The following CNGB1 variants were observed in gnomAD, a reference collection of about 807,000 sequenced individuals.
The protein encoded by CNGB1 is cyclic nucleotide-gated channel beta-1.
A neutral mutation model predicts 151.7 loss-of-function variants in CNGB1; 126 were observed. The observed-to-expected ratio is 0.83, with a 90% CI of 0.72 to 0.96. CNGB1 has a LOEUF of 0.96. Among genes scored for constraint, CNGB1 ranks in the 40% least tolerant of loss-of-function variants. The pLI is 0.00. For synonymous variants in CNGB1, 623 were observed against 635.1 expected, an observed-to-expected ratio of 0.98 and a Z score of 0.29; for missense variants, 1,698 against 1,627.0, an observed-to-expected ratio of 1.04 and a Z score of -0.75.
intron 12 of CNGB1, among the ~76,000 whole-genome samples, chr16:57,956,930 G>A (rs1962101409): frequency 6.6e-6 from 1 of 152,174 alleles, no homozygotes; most frequent in Non-Finnish European, 1.5e-5. Flanking sequence ...GGGAGCTGGA[G>A]GCTGTGGAGC....
intron 12 of CNGB1, among the ~76,000 whole-genome samples, chr16:57,953,792 C>T (rs1280894371): frequency 6.6e-6 from 1 of 152,000 alleles, no homozygotes; most frequent in Admixed American, 6.6e-5. Context: ...GCCTCTACCC[C>T]GTCATCAGAA....
intron 17 of CNGB1, among the ~76,000 whole-genome samples, chr16:57,924,950 C>T (rs535738781): frequency 2.0e-4 from 30 of 152,272 alleles, no homozygotes; most frequent in African/African-American, 7.0e-4. Context: ...GCTGCCTGTA[C>T]AGTCTGTGGA....
At chr16:57,898,211 G>A (rs1426625297) in intron 29 of CNGB1, among the ~76,000 whole-genome samples, 3 of 152,122 alleles carry the variant, frequency 2.0e-5, no homozygotes, top group Non-Finnish European at 2.9e-5. Flanking sequence ...GGGAGGTGCA[G>A]GTATAATGGA....
intron 22 of CNGB1, among the ~76,000 whole-genome samples, chr16:57,915,697 G>A (rs571253934): frequency 3.5e-4 from 53 of 152,154 alleles, no homozygotes; most frequent in African/African-American, 1.2e-3. Flanking sequence ...TCAGGAGTTC[G>A]AGACCAGACT....
intron 29 of CNGB1, among the ~76,000 whole-genome samples, chr16:57,900,693 G>T (rs1272582822): frequency 6.6e-6 from 1 of 152,104 alleles, no homozygotes; most frequent in Non-Finnish European, 1.5e-5. Flanking sequence ...GGGACACGAT[G>T]TCCCCCTTTG....
rs376024334 is a variant in CNGB1 at position 57,884,440 on chromosome 16, G to T, written c.3480C>A (p.Asp1160Glu). Residue 1160 changes from aspartate to glutamate, a missense_variant, in exon 33 of 33, where the codon GAC becomes GAA. Coordinates refer to ENST00000251102, the MANE Select transcript of CNGB1 (RefSeq NM_001297.5). ...CGGCGGAGCCTTCCTCTCCCTTGAC[G>T]TCTTGCGAGCTCTTGGCCTGGAATC... ...ELVEQAKSSQ[D>E]VKGEEGSAAP... 1 of 1,613,586 alleles carries T rather than the reference G, an allele frequency of 6.2e-7. No homozygotes were observed. Among genetic ancestry groups the T allele is most frequent in the South Asian group, 1.1e-5 (1 of 91,050 alleles).
chr16:57,903,293 A>G (rs1596961407), intron 27 of CNGB1, among the ~76,000 whole-genome samples: 1 of 151,010 alleles, frequency 6.6e-6, no homozygotes, highest in Non-Finnish European at 1.5e-5. Flanking sequence ...GGAGTCCGAG[A>G]CCAGCCTGGC....
chr16:57,967,237 C>T lies in CNGB1; in HGVS notation c.50G>A (p.Arg17Gln), dbSNP rs768575862. The part of the protein sequence containing the change: ...RVLPQPPGTP[R>Q]KTKMQEEEEV... Reference sequence around the variant, plus strand: ...CTCTTCCTCCTGCATCTTGGTCTTCCGAGGGGTCCCTGGGGGCTGAGGCAG... The same window carrying T: ...CTCTTCCTCCTGCATCTTGGTCTTCTGAGGGGTCCCTGGGGGCTGAGGCAG... Residue 17 changes from arginine (R) to glutamine (Q), a missense_variant, in exon 2 of 33, where the codon CGG (arginine) becomes CAG (glutamine). Physicochemically the swap from Arg to Gln is conservative, Grantham distance 43. Transcript: ENST00000251102. 57 of 1,614,048 alleles carry T rather than the reference C, an allele frequency of 3.5e-5. No homozygotes were observed. Among genetic ancestry groups the T allele is most frequent in the African/African-American group, 1.7e-4 (13 of 74,904 alleles).
At chr16:57,940,140 A>G in intron 15 of CNGB1, 94 bp downstream of exon 15, 1 of 1,268,240 alleles carries the variant, frequency 7.9e-7, no homozygotes, top group Non-Finnish European at 1.1e-6. Flanking sequence ...TTACCAGCCA[A>G]AACTCCCCCT....
At chr16:57,920,311 G>A (rs1248559904) in intron 19 of CNGB1, 76 bp downstream of exon 19, 12 of 1,546,208 alleles carry the variant, frequency 7.8e-6, no homozygotes, top group African/African-American at 1.4e-5. Context: ...GGCCACCCTT[G>A]CCATGAGTTG....
rs1327018698 is a variant in CNGB1, at chr16:57,954,697, T to C, written c.874+2644A>G. On this transcript the variant is annotated intron_variant, in intron 12 of 32. Coordinates refer to ENST00000251102, the MANE Select transcript of CNGB1 (RefSeq NM_001297.5). ...AGGTTTGATGTGCTCATTTACACTCTTTTAATGTTAATGAAAACATTTGTT... is the reference window on the plus strand; with the variant it reads ...AGGTTTGATGTGCTCATTTACACTCCTTTAATGTTAATGAAAACATTTGTT... 1.0e-5 allele frequency: 10 copies of C among 985,988 alleles called. 1 individual carries two copies. Among genetic ancestry groups the C allele is most frequent in the African/African-American group, 3.5e-5 (2 of 57,242 alleles). The allele number at this position is 985,988 out of a possible 1,614,324, so 61.1% of individuals were successfully genotyped here.
At chr16:57,903,474 A>C (rs375368416) in intron 27 of CNGB1, among the ~76,000 whole-genome samples, 6 of 152,182 alleles carry the variant, frequency 3.9e-5, no homozygotes, top group African/African-American at 1.2e-4. Flanking sequence ...CCTGGGTGAC[A>C]GAACGAGACT....
intron 14 of CNGB1, among the ~76,000 whole-genome samples, chr16:57,942,028 T>TGTTTG (rs144771179): frequency 0.015 from 2,214 of 152,050 alleles, 60 homozygotes; most frequent in African/African-American, 0.049. Flanking sequence ...TTTTTGTTTT[T>TGTTTG]GTTTGGTTTG....
intron 21 of CNGB1, among the ~76,000 whole-genome samples, chr16:57,916,812 C>T (rs1234090117): frequency 6.6e-6 from 1 of 152,132 alleles, no homozygotes; most frequent in African/African-American, 2.4e-5. Flanking sequence ...TGCAGGACCC[C>T]TGGGAGAAGT....
chr16:57,916,136 C>T lies in CNGB1; in HGVS notation c.2210G>A (p.Arg737His), dbSNP rs764107600. 2.1e-5 allele frequency: 34 copies of T among 1,613,858 alleles called. No individual in the cohort carries two copies. In the Middle Eastern group the frequency reaches 8.2e-4, roughly 39 times the overall value. ...TGCATGCCCGGCACACACCTTGAAG[C>T]GGCGAGACTTCAGGTAGTTATTTCG... ...DMRNNYLKSR[R>H]FKMDLLSLLP... The change falls in exon 22 of 33, where the codon CGC (arginine) becomes CAC (histidine). Residue 737 changes from arginine to histidine, a missense_variant. By Grantham distance (29) the Arg-to-His change is conservative (BLOSUM62 0). Coordinates refer to ENST00000251102, the MANE Select transcript of CNGB1 (RefSeq NM_001297.5).
At position 57,959,902 on chromosome 16, in the gene CNGB1, G is replaced by C. The variant is rs1211355626; in HGVS notation, c.747C>G (p.Thr249=). 3 of 1,549,898 alleles carry C rather than the reference G, an allele frequency of 1.9e-6. No homozygotes were observed. The highest frequency in any genetic ancestry group is 2.6e-6 in the Non-Finnish European group (3 of 1,147,108). ...GGGTGGCTCACCTGGCAGGGTCCCTGGTTGGTGGCAGGGAGGAGGTCTGGG... is the reference window on the plus strand; with the variant it reads ...GGGTGGCTCACCTGGCAGGGTCCCTCGTTGGTGGCAGGGAGGAGGTCTGGG... The part of the protein sequence containing the change: ...SQAQTSSLPP[T]RDPARLVAWV... Residue 249 remains threonine, a synonymous_variant, in exon 10 of 33, where the codon ACC becomes ACG. Transcript: ENST00000251102.
intron 6 of CNGB1, 67 bp downstream of exon 6, chr16:57,962,774 GC>G: frequency 6.3e-7 from 1 of 1,598,490 alleles, no homozygotes. Flanking sequence ...AAGGGGCAGG[GC>G]CCATCCCAGC....
chr16:57,884,709 G>C (rs1199587635), intron 32 of CNGB1, among the ~76,000 whole-genome samples: 2 of 152,158 alleles, frequency 1.3e-5, no homozygotes, highest in African/African-American at 4.8e-5. Flanking sequence ...CTTAGATCTA[G>C]GCTGTGGGGC....
At chr16:57,928,772 G>A (rs1961261089) in intron 17 of CNGB1, among the ~76,000 whole-genome samples, 2 of 152,128 alleles carry the variant, frequency 1.3e-5, no homozygotes, top group African/African-American at 4.8e-5. Context: ...TTAGTAGCTG[G>A]GACTATAGGC....
Sources: allele counts gnomAD v4.1 joint callset (sites outside exome capture counted in the v4.1 genomes callset), GRCh38; gene constraint gnomAD v4.1.1; transcripts MANE v1.5; gene names NCBI Gene and HGNC (gene_info 2026-07-23, HGNC 2026-07-21).